Variants in FRMD6 observed in about 807,000 individuals in gnomAD.
FRMD6 encodes FERM domain-containing protein 6.
In FRMD6, 37 loss-of-function variants were observed where a neutral mutation model predicts 73.2. The observed-to-expected ratio is 0.51, with a 90% CI of 0.39 to 0.66. The LOEUF (loss-of-function observed/expected upper bound fraction) is 0.66. Among genes scored for constraint, FRMD6 ranks in the 30% least tolerant of loss-of-function variants. FRMD6 has a pLI of 0.00. For missense variants in FRMD6, 714 were observed against 780.5 expected (o/e 0.91, Z 1.02); for synonymous variants, 273 against 282.2 (o/e 0.97, Z 0.33).
chr14:51,421,696 G>C, the FRMD6 span, among the ~76,000 whole-genome samples: 1 of 152,204 alleles, frequency 6.6e-6, no homozygotes, highest in Admixed American at 6.5e-5. Flanking sequence ...GAGCAAGCTG[G>C]GCAGAATGGC....
chr14:51,547,914 C>CT (rs1252313393), intron 1 of FRMD6: 1 of 149,882 alleles, frequency 6.7e-6, no homozygotes, highest in African/African-American at 2.4e-5. Context: ...TATCTTGGGT[C>CT]TTTTGTAATT....
chr14:51,525,663 A>T (rs1885211415), intron 1 of FRMD6, among the ~76,000 whole-genome samples: 1 of 151,798 alleles, frequency 6.6e-6, no homozygotes, highest in Admixed American at 6.6e-5. Flanking sequence ...TTCTGGTGGA[A>T]CTCCCTTTCT....
At chr14:51,397,829 G>A in the FRMD6 span, among the ~76,000 whole-genome samples, 2 of 152,070 alleles carry the variant, frequency 1.3e-5, no homozygotes, top group Admixed American at 1.3e-4. Context: ...TTATCTTTAG[G>A]CAATGTTTAT....
chr14:51,529,448 C>G (rs1885455272), intron 1 of FRMD6, among the ~76,000 whole-genome samples: 1 of 152,056 alleles, frequency 6.6e-6, no homozygotes, highest in African/African-American at 2.4e-5. Flanking sequence ...AAATACATAA[C>G]ACACATATTT....
intron 1 of FRMD6, among the ~76,000 whole-genome samples, chr14:51,528,685 G>A (rs1249422789): frequency 2.0e-5 from 3 of 151,992 alleles, no homozygotes; most frequent in Admixed American, 1.3e-4. Flanking sequence ...GAAAATCACT[G>A]GTCTTAGTAC....
intron 2 of FRMD6, among the ~76,000 whole-genome samples, chr14:51,613,418 A>C (rs982669305): frequency 1.3e-5 from 2 of 152,312 alleles, no homozygotes; most frequent in Non-Finnish European, 1.5e-5. Context: ...AAGAGGTGCT[A>C]ATATGTTCAA....
At chr14:51,620,319 G>A (rs1271743595) in intron 2 of FRMD6, among the ~76,000 whole-genome samples, 1 of 152,138 alleles carries the variant, frequency 6.6e-6, no homozygotes, top group Non-Finnish European at 1.5e-5. Context: ...CACAAATACA[G>A]CTGCCAGCAG....
chr14:51,487,161 G>A (rs556029017), upstream of FRMD6, among the ~76,000 whole-genome samples: 3 of 152,134 alleles, frequency 2.0e-5, no homozygotes, highest in Non-Finnish European at 4.4e-5. Context: ...CAGTGTCCCA[G>A]TATTGTTTGT....
chr14:51,400,351 G>A, the FRMD6 span, among the ~76,000 whole-genome samples: 1 of 152,056 alleles, frequency 6.6e-6, no homozygotes, highest in Non-Finnish European at 1.5e-5. Flanking sequence ...ATGCAAGTGA[G>A]GTCATATGGT....
chr14:51,628,497 GTCTC>G (rs1297241684), intron 2 of FRMD6, among the ~76,000 whole-genome samples: 1 of 151,862 alleles, frequency 6.6e-6, no homozygotes, highest in Admixed American at 6.6e-5. Flanking sequence ...TGTACTTTCT[GTCTC>G]TATAGATTTT....
intron 2 of FRMD6, among the ~76,000 whole-genome samples, chr14:51,645,024 A>G (rs1414288185): frequency 6.6e-6 from 1 of 152,190 alleles, no homozygotes; most frequent in Non-Finnish European, 1.5e-5. Flanking sequence ...CCATGATCTA[A>G]TTAGCAGTGT....
chr14:51,632,701 T>G (rs1373163299), intron 2 of FRMD6, among the ~76,000 whole-genome samples: 1 of 152,198 alleles, frequency 6.6e-6, no homozygotes, highest in Admixed American at 6.5e-5. Context: ...TGGAAATATA[T>G]TGAAAGAAGA....
At chr14:51,506,172 C>T (rs2140234525) in intron 1 of FRMD6, among the ~76,000 whole-genome samples, 1 of 152,264 alleles carries the variant, frequency 6.6e-6, no homozygotes, top group South Asian at 2.1e-4. Flanking sequence ...TATTCTACTC[C>T]TTTCTTCACC....
At chr14:51,496,738 CA>C (rs1392133635) in intron 1 of FRMD6, among the ~76,000 whole-genome samples, 1 of 152,120 alleles carries the variant, frequency 6.6e-6, no homozygotes, top group Non-Finnish European at 1.5e-5. Context: ...ACTTATAATC[CA>C]CAGGTCTACC....
intron 1 of FRMD6, among the ~76,000 whole-genome samples, chr14:51,674,184 G>A (rs1328760033): frequency 1.3e-5 from 2 of 152,108 alleles, no homozygotes; most frequent in Non-Finnish European, 2.9e-5. Flanking sequence ...CTGAAAAAAA[G>A]AATCCAACTT....
intron 1 of FRMD6, among the ~76,000 whole-genome samples, chr14:51,657,110 C>G (rs184335573): frequency 6.6e-6 from 1 of 152,158 alleles, no homozygotes; most frequent in Non-Finnish European, 1.5e-5. Context: ...TGAAGTTTCT[C>G]ACTTAGCTTT....
chr14:51,557,656 G>T (rs1887221850), intron 1 of FRMD6, among the ~76,000 whole-genome samples: 1 of 152,120 alleles, frequency 6.6e-6, no homozygotes, highest in African/African-American at 2.4e-5. Flanking sequence ...TAAGAGAATA[G>T]ATTTTAAATG....
intron 10 of FRMD6, among the ~76,000 whole-genome samples, chr14:51,715,918 G>C (rs1486902093): frequency 1.3e-5 from 2 of 152,182 alleles, no homozygotes; most frequent in Admixed American, 6.5e-5. Context: ...TTTCCAATGT[G>C]ATTATTTCTT....
chr14:51,693,483 A>G (rs964753479), intron 2 of FRMD6, among the ~76,000 whole-genome samples: 1 of 152,146 alleles, frequency 6.6e-6, no homozygotes. Flanking sequence ...CAACTTTGCA[A>G]TCTAGGGCAA....
Sources: allele counts gnomAD v4.1 joint callset (sites outside exome capture counted in the v4.1 genomes callset), GRCh38; gene constraint gnomAD v4.1.1; transcripts MANE v1.5; gene names NCBI Gene and HGNC (gene_info 2026-07-23, HGNC 2026-07-21).